MACF1: variants seen among roughly 807,000 people sequenced by gnomAD.
MACF1 encodes the protein microtubule-actin cross-linking factor 1.
In MACF1, 193 loss-of-function variants were observed where a neutral mutation model predicts 854.8. The observed-to-expected ratio is 0.23, with a 90% confidence interval of 0.20 to 0.25. MACF1 has a LOEUF of 0.25. MACF1 is among the 10% of genes least tolerant of loss of function. MACF1 has a pLI of 1.00. For synonymous variants in MACF1, 3,185 were observed against 3,226.7 expected (o/e 0.99, Z 0.44); for missense variants, 7,722 against 8,929.1 (o/e 0.86, Z 5.45).
intron 58 of MACF1, chr1:39,414,323 A>C (rs765153804): frequency 6.2e-7 from 1 of 1,613,990 alleles, no homozygotes; most frequent in South Asian, 1.1e-5. Flanking sequence ...CCTATTTCAG[A>C]AGAAGGAACA....
chr1:39,310,854 A>C lies in MACF1; in HGVS notation c.3124A>C (p.Lys1042Gln). ...ENEDKEETVA[K>Q]MYISELKNIR... Reference sequence around the variant, plus strand: ...AGAGGACAAAGAGGAGACTGTGGCCAAGATGTACATTTCAGAGTTGAAGAA... The same window carrying C: ...AGAGGACAAAGAGGAGACTGTGGCCCAGATGTACATTTCAGAGTTGAAGAA... The change falls in exon 26 of 101, where the codon AAG becomes CAG. Residue 1042 changes from lysine (K) to glutamine (Q), a missense_variant. Lys to Gln is a moderately conservative substitution (Grantham distance 53). Transcript: ENST00000564288. 1 of 1,613,248 alleles carries C rather than the reference A, an allele frequency of 6.2e-7. No homozygotes were observed.
rs370428216 is a variant in MACF1, at chr1:39,331,837, G to C, written c.5249G>C (p.Arg1750Pro). Residue 1750 changes from arginine to proline, a missense_variant, in exon 37 of 101, where the codon CGT becomes CCT. Coordinates refer to ENST00000564288, the MANE Select transcript of MACF1 (RefSeq NM_001394062.1). ...LKSGRKVSIF[R>P]AVQEGLIDRQ... ...TCAGGCCGGAAGGTTAGCATTTTCC[G>C]TGCAGTTCAGGAAGGGCTAATAGAT... is the stretch of plus-strand genomic sequence containing the variant. The C allele has an allele frequency of 1.2e-6, 2 of 1,614,102 alleles. No homozygotes were observed. The highest frequency in any genetic ancestry group is 8.5e-7 in the Non-Finnish European group (1 of 1,180,024).
intron 2 of MACF1, among the ~76,000 whole-genome samples, chr1:39,243,575 A>G (rs1571215429): frequency 1.3e-5 from 2 of 152,020 alleles, no homozygotes; most frequent in Middle Eastern, 3.4e-3. Context: ...CTGACTTTTA[A>G]AATTTTTTGT....
At chr1:39,212,101 C>T (rs1414845249) in intron 1 of MACF1, among the ~76,000 whole-genome samples, 1 of 151,948 alleles carries the variant, frequency 6.6e-6, no homozygotes, top group Non-Finnish European at 1.5e-5. Flanking sequence ...CTTCTGACCA[C>T]ATGTGGAAAT....
chr1:39,299,338 T>C (rs1283352457), intron 21 of MACF1: 2 of 455,134 alleles, frequency 4.4e-6, no homozygotes, highest in Admixed American at 4.7e-5. Flanking sequence ...ATTAACTCTT[T>C]ACTCTCATCG....
intron 58 of MACF1, chr1:39,413,707 C>A: frequency 7.9e-7 from 1 of 1,272,818 alleles, no homozygotes; most frequent in South Asian, 1.3e-5. Flanking sequence ...CTTCCCAGCT[C>A]CTGCAGTGCC....
In MACF1 at chr1:39,340,907, G is replaced by A. The variant is rs779803882; in HGVS notation, c.10535G>A (p.Ser3512Asn). 21 of 1,613,302 alleles carry A rather than the reference G, an allele frequency of 1.3e-5. No individual in the cohort carries two copies. The Middle Eastern group carries it at 6.6e-4, about 51-fold the overall frequency. The change falls in exon 40 of 101, where the codon AGT (serine) becomes AAT (asparagine). Residue 3512 changes from serine to asparagine, a missense_variant. This residue lies in a region of MACF1 where 854 missense variants were observed against 852.6 expected (regional missense o/e 1.00). Transcript: ENST00000564288. The stretch of plus-strand genomic sequence containing the variant: ...ATTCTGAACAGCAAGGGATCTAACA[G>A]TGAAATAGATGTTGACAGCCTGAAC... Reference protein sequence around the residue: ...NLILNSKGSNSEIDVDSLNLC... With the variant: ...NLILNSKGSNNEIDVDSLNLC...
intron 2 of MACF1, among the ~76,000 whole-genome samples, chr1:39,183,893 A>C (rs1342697694): frequency 6.6e-6 from 1 of 152,186 alleles, no homozygotes; most frequent in Admixed American, 6.5e-5. Flanking sequence ...AAAGAATGAC[A>C]TGTGTGGAAG....
chr1:39,345,762 T>C (rs1362705152), intron 40 of MACF1, among the ~76,000 whole-genome samples: 1 of 152,150 alleles, frequency 6.6e-6, no homozygotes, highest in Non-Finnish European at 1.5e-5. Context: ...TGTTATACTT[T>C]GCAAAACTTT....
At chr1:39,114,350 G>C (rs1642493605) in intron 2 of MACF1, among the ~76,000 whole-genome samples, 1 of 152,084 alleles carries the variant, frequency 6.6e-6, no homozygotes, top group South Asian at 2.1e-4. Flanking sequence ...CATATGCATT[G>C]ATATGCTCGC....
In MACF1 at chr1:39,361,354, T is replaced by C; in HGVS notation, c.12454-6T>C. Reference sequence around the variant, plus strand: ...CAGGAGCTGACAGACGTGTTCTTCATGACAGAAATTGAAGCAGGACATTGC... The same window carrying C: ...CAGGAGCTGACAGACGTGTTCTTCACGACAGAAATTGAAGCAGGACATTGC... On this transcript the variant is annotated splice_region_variant and splice_polypyrimidine_tract_variant and intron_variant, in intron 48 of 100. Coordinates refer to ENST00000564288, the MANE Select transcript of MACF1 (RefSeq NM_001394062.1). The C allele has an allele frequency of 6.2e-7, 1 of 1,610,734 alleles. No individual in the cohort carries two copies.
At chr1:39,418,590 C>T (rs1643417033) in intron 58 of MACF1, among the ~76,000 whole-genome samples, 1 of 152,214 alleles carries the variant, frequency 6.6e-6, no homozygotes, top group Non-Finnish European at 1.5e-5. Flanking sequence ...AGGCTGGATG[C>T]CGTGGCTCAT....
At chr1:39,118,473 C>A (rs1419311198) in intron 2 of MACF1, among the ~76,000 whole-genome samples, 2 of 152,196 alleles carry the variant, frequency 1.3e-5, no homozygotes, top group Admixed American at 6.5e-5. Context: ...AGTGTAATAA[C>A]AGTATTCATG....
intron 2 of MACF1, among the ~76,000 whole-genome samples, chr1:39,171,664 C>T (rs1383882271): frequency 1.3e-5 from 2 of 152,154 alleles, no homozygotes; most frequent in African/African-American, 4.8e-5. Flanking sequence ...CTCGCTCTGT[C>T]GCCCAAGCTG....
At chr1:39,419,971 T>A (rs1259385727) in intron 58 of MACF1, among the ~76,000 whole-genome samples, 1 of 152,188 alleles carries the variant, frequency 6.6e-6, no homozygotes, top group Non-Finnish European at 1.5e-5. Flanking sequence ...CTAGCCTATT[T>A]TACTTTTCTG....
chr1:39,373,452 C>T (rs2148541947), intron 52 of MACF1: 1 of 117,186 alleles, frequency 8.5e-6, no homozygotes, highest in African/African-American at 3.5e-5. Flanking sequence ...GGGCAACAGA[C>T]AGAGTGAGAC....
At chr1:39,182,071 AACC>A (rs1644111190) in intron 2 of MACF1, among the ~76,000 whole-genome samples, 2 of 151,778 alleles carry the variant, frequency 1.3e-5, no homozygotes, top group Non-Finnish European at 2.9e-5. Flanking sequence ...GAATCGCTTG[AACC>A]CGGGAGGCAG....
rs906700792 is a variant in MACF1 at position 39,114,994 on chromosome 1, T to C, written c.220+30556T>C. Among the ~76,000 whole-genome samples, 4 of 152,028 alleles carry C rather than the reference T, an allele frequency of 2.6e-5. No individual in the cohort carries two copies. In the South Asian group the frequency reaches 8.3e-4, roughly 32 times the overall value. On this transcript the variant is annotated intron_variant, in intron 2 of 93. Transcript: ENST00000361689. ...GCTTGAGAGGGGGAATATTGGGCAT[T>C]GATAAGGTTGGAGCATAGGATGTGA...
chr1:39,476,641 T>C (rs1644889467), intron 97 of MACF1, among the ~76,000 whole-genome samples: 1 of 152,078 alleles, frequency 6.6e-6, no homozygotes, highest in South Asian at 2.1e-4. Flanking sequence ...GTTTTACAAA[T>C]TGTCACAGCA....
Sources: gnomAD v4.1 joint callset for allele counts (sites outside exome capture counted in the v4.1 genomes callset) on GRCh38, gnomAD v4.1.1 for gene constraint, gnomAD v4.1.1 regional missense constraint, MANE v1.5 for transcripts, NCBI Gene and HGNC (gene_info 2026-07-23, HGNC 2026-07-21) for gene names.